Variants in PRDM16 observed in about 807,000 individuals in gnomAD.
The protein encoded by PRDM16 is PR/SET domain 16, also known as histone-lysine N-methyltransferase PRDM16.
PRDM16 carries 23 observed loss-of-function variants against 110.6 expected under a neutral mutation model. The ratio of observed to expected loss-of-function variants is 0.21; its 90% CI spans 0.15 to 0.29. The LOEUF (loss-of-function observed/expected upper bound fraction) is 0.29. PRDM16 is among the 10% of genes least tolerant of loss of function. The pLI is 1.00. For missense variants in PRDM16, 1,615 were observed against 1,794.3 expected (o/e 0.90, Z 1.81); for synonymous variants, 799 against 781.8 (o/e 1.02, Z -0.37).
At chr1:3,194,173 G>GC (rs1439409184) in intron 2 of PRDM16, among the ~76,000 whole-genome samples, 1 of 152,242 alleles carries the variant, frequency 6.6e-6, no homozygotes, top group African/African-American at 2.4e-5. Context: ...CACTCGTCTG[G>GC]CCTTCTGCAA....
intron 2 of PRDM16, among the ~76,000 whole-genome samples, chr1:3,198,171 G>A (rs767544630): frequency 2.6e-5 from 4 of 152,332 alleles, no homozygotes; most frequent in South Asian, 2.1e-4. Flanking sequence ...CACTCCATGC[G>A]TTCTCTGGAC....
chr1:3,330,083 C>T (rs1009736594), intron 3 of PRDM16, among the ~76,000 whole-genome samples: 23 of 152,358 alleles, frequency 1.5e-4, no homozygotes, highest in East Asian at 7.7e-4. Flanking sequence ...CAGAGCCCTC[C>T]GCCAAGAGGG....
In PRDM16 at chr1:3,390,387, C is replaced by T. The variant is rs367566278; in HGVS notation, c.573+5101C>T. ...ACGGAACGGCTGTAGGGCTCTCAAACGACCTGTAGCACCCCTGGATTGAGA... is the reference window on the plus strand; with the variant it reads ...ACGGAACGGCTGTAGGGCTCTCAAATGACCTGTAGCACCCCTGGATTGAGA... On this transcript the variant is annotated intron_variant, in intron 4 of 16. Transcript: ENST00000270722. The surrounding 1 kb of genome is among the most constrained non-coding windows in gnomAD (Gnocchi z 5.0). 1.2e-4 allele frequency among the ~76,000 whole-genome samples: 19 copies of T among 152,246 alleles called. 1 individual carries two copies. Among genetic ancestry groups the T allele is most frequent in the Admixed American group, 4.6e-4 (7 of 15,304 alleles).
chr1:3,402,823 G>A lies in PRDM16; in HGVS notation c.709G>A (p.Glu237Lys), dbSNP rs764674939. ...CACGTTCCGCTGTGACGAGTGTGAC[G>A]AACTCTTCCAGTCCAAGCTGGACCT... The part of the protein sequence containing the change: ...EPTFRCDECD[E>K]LFQSKLDLRR... The change falls in exon 6 of 17, where the codon GAA (glutamate) becomes AAA (lysine). Residue 237 changes from glutamate to lysine, a missense_variant. Physicochemically the swap from Glu to Lys is moderately conservative, Grantham distance 56. This residue lies in a region of PRDM16 where 416 missense variants were observed against 467.1 expected (regional missense o/e 0.89). Transcript: ENST00000270722. 66 of 1,612,668 alleles carry A rather than the reference G, an allele frequency of 4.1e-5. 1 individual carries two copies. Among genetic ancestry groups the A allele is most frequent in the South Asian group, 4.1e-4 (37 of 91,072 alleles).
At chr1:3,181,072 C>CAGTCTTACACAAG (rs1644155333) in intron 1 of PRDM16, among the ~76,000 whole-genome samples, 1 of 45,620 alleles carries the variant, frequency 2.2e-5, no homozygotes, top group African/African-American at 5.3e-5. Flanking sequence ...TCTTACACAC[C>CAGTCTTACACAAG]CGGTCTTACA....
At chr1:3,298,582 G>T (rs936834211) in intron 3 of PRDM16, among the ~76,000 whole-genome samples, 1 of 152,186 alleles carries the variant, frequency 6.6e-6, no homozygotes, top group Non-Finnish European at 1.5e-5. Context: ...CAACAATTGT[G>T]CTAGCAGCTT....
At chr1:3,084,199 C>A (rs184468372) in intron 1 of PRDM16, among the ~76,000 whole-genome samples, 1 of 152,314 alleles carries the variant, frequency 6.6e-6, no homozygotes, top group Admixed American at 6.5e-5. Context: ...GCGGTCCTGG[C>A]GGGCCCTGGG....
In PRDM16 at chr1:3,176,738, A is replaced by ATCCG. The variant is rs796070588; in HGVS notation, c.38-9384_38-9383insGTCC. On this transcript the variant is annotated intron_variant, in intron 1 of 16. Coordinates refer to ENST00000270722, the MANE Select transcript of PRDM16 (RefSeq NM_022114.4). The stretch of plus-strand genomic sequence containing the variant: ...CATCCATCCATCCATCCATCCATCC[A>ATCCG]TCCATCTATTCTTCCATCCATCCCT... 5.9e-4 allele frequency among the ~76,000 whole-genome samples: 89 copies of ATCCG among 149,822 alleles called. 5 individuals carry two copies. The highest frequency in any genetic ancestry group is 1.2e-3 in the African/African-American group (47 of 40,680).
intron 1 of PRDM16, among the ~76,000 whole-genome samples, chr1:3,109,938 G>C (rs1309850042): frequency 5.9e-5 from 9 of 151,270 alleles, no homozygotes. Flanking sequence ...GGGACACAGT[G>C]CTCGGGGGCT....
In PRDM16 at chr1:3,435,379, A is replaced by T. The variant is rs1638877335; in HGVS notation, c.*1568A>T. The T allele has an allele frequency of 8.7e-6, 2 of 230,994 alleles. No homozygotes were observed. Among genetic ancestry groups the T allele is most frequent in the East Asian group, 1.2e-4 (2 of 16,360 alleles). The allele number at this position is 230,994 out of a possible 1,614,324, so 14.3% of individuals were successfully genotyped here. ...GTGATAAGGTTGTGTGTCGTGTGGG[A>T]GTGGGGCGATTTTTTATGTGCCAAA... On this transcript the variant is annotated 3_prime_UTR_variant, in exon 17 of 17. Coordinates refer to ENST00000270722, the MANE Select transcript of PRDM16 (RefSeq NM_022114.4).
chr1:3,351,753 C>A (rs533368672), intron 3 of PRDM16, among the ~76,000 whole-genome samples: 4 of 124,306 alleles, frequency 3.2e-5, no homozygotes, highest in African/African-American at 6.4e-5. Flanking sequence ...TCTCTCCCCC[C>A]CCTCTGTTTC....
chr1:3,182,390 C>T (rs1351435111), intron 1 of PRDM16, among the ~76,000 whole-genome samples: 2 of 152,186 alleles, frequency 1.3e-5, no homozygotes, highest in African/African-American at 4.8e-5. Flanking sequence ...CTGTTGGGCT[C>T]CTGTCCTGGC....
intron 1 of PRDM16, among the ~76,000 whole-genome samples, chr1:3,075,518 C>T (rs1275866574): frequency 1.3e-5 from 2 of 152,232 alleles, no homozygotes; most frequent in Non-Finnish European, 2.9e-5. Flanking sequence ...TGAAACAAAT[C>T]ATTATTGCAT....
intron 2 of PRDM16, among the ~76,000 whole-genome samples, chr1:3,234,346 G>A (rs1193591503): frequency 2.6e-5 from 4 of 152,068 alleles, no homozygotes; most frequent in African/African-American, 9.7e-5. Flanking sequence ...GCCCTGACAC[G>A]GAGCCTGCAC....
chr1:3,083,282 G>C (rs533448449), intron 1 of PRDM16, among the ~76,000 whole-genome samples: 27 of 152,318 alleles, frequency 1.8e-4, no homozygotes, highest in African/African-American at 6.3e-4. Context: ...TGGCGGCTGG[G>C]CCCCGGAACT....
chr1:3,308,281 GC>G (rs1222824121), intron 3 of PRDM16: 1 of 152,272 alleles, frequency 6.6e-6, no homozygotes, highest in African/African-American at 2.4e-5. Context: ...ACAGCGTCAG[GC>G]CGTGCGGGGG....
At chr1:3,424,215 G>A (rs1437071003) in intron 12 of PRDM16, among the ~76,000 whole-genome samples, 11 of 152,160 alleles carry the variant, frequency 7.2e-5, no homozygotes, top group South Asian at 6.2e-4. Context: ...CCCCCTCTTC[G>A]TTTCAGGCAT....
chr1:3,205,831 C>T (rs1297873685), intron 2 of PRDM16, among the ~76,000 whole-genome samples: 1 of 152,108 alleles, frequency 6.6e-6, no homozygotes, highest in East Asian at 1.9e-4. Flanking sequence ...AAGTTGCATC[C>T]CCTGCCTCTT....
At chr1:3,399,405 G>A (rs1045492234) in intron 5 of PRDM16, among the ~76,000 whole-genome samples, 7 of 152,122 alleles carry the variant, frequency 4.6e-5, no homozygotes, top group Non-Finnish European at 8.8e-5. Context: ...CTATGCCCCC[G>A]TTTCTGGCCC....
Sources: allele counts gnomAD v4.1 joint callset (sites outside exome capture counted in the v4.1 genomes callset), GRCh38; gene constraint gnomAD v4.1.1; regional missense constraint gnomAD v4.1.1; non-coding constraint Gnocchi (gnomAD v3.1); transcripts MANE v1.5; gene names NCBI Gene and HGNC (gene_info 2026-07-23, HGNC 2026-07-21).